DHX30: variants seen among roughly 807,000 people sequenced by gnomAD.
DHX30 encodes ATP-dependent RNA helicase DHX30.
DHX30 carries 4 observed loss-of-function variants against 116.9 expected under a neutral mutation model. That is an observed-to-expected ratio of 0.03 (90% CI 0.02 to 0.08). The LOEUF (loss-of-function observed/expected upper bound fraction) is 0.08, where lower values mean the gene tolerates loss of function less well. DHX30 is among the 10% of genes least tolerant of loss of function. DHX30 has a pLI of 1.00. For missense variants in DHX30, 871 were observed against 1,595.1 expected, an observed-to-expected ratio of 0.55 and a Z score of 7.73; for synonymous variants, 697 against 651.7, an observed-to-expected ratio of 1.07 and a Z score of -1.06.
chr3:47,820,639 A>G (rs2036254275), intron 4 of DHX30, among the ~76,000 whole-genome samples: 1 of 152,074 alleles, frequency 6.6e-6, no homozygotes, highest in Admixed American at 6.6e-5. Context: ...CCTCCAAAGT[A>G]TAGGTTCCTA....
In DHX30 at chr3:47,806,892, C is replaced by G. The variant is rs186928747; in HGVS notation, c.-28+1472C>G. Reference sequence around the variant, plus strand: ...ACAGGCGTGAGCCACCAAGCCTGGCCCACTACAAAGATTTTTAAACATTAC... The same window carrying G: ...ACAGGCGTGAGCCACCAAGCCTGGCGCACTACAAAGATTTTTAAACATTAC... On this transcript the variant is annotated intron_variant, in intron 2 of 21. Coordinates refer to ENST00000445061, the MANE Select transcript of DHX30 (RefSeq NM_138615.3). 5.1e-3 allele frequency among the ~76,000 whole-genome samples: 778 copies of G among 152,020 alleles called. 5 individuals are homozygous for G. Among genetic ancestry groups the G allele is most frequent in the South Asian group, 0.011 (55 of 4,810 alleles).
Position 47,847,036 on chromosome 3 carries a change from G to A in DHX30, c.1929+35G>A, listed in dbSNP as rs1194955623. The A allele has an allele frequency of 1.3e-6, 2 of 1,586,006 alleles. No homozygotes were observed. The highest frequency in any genetic ancestry group is 1.7e-6 in the Non-Finnish European group (2 of 1,164,656). On this transcript the variant is annotated intron_variant, in intron 11 of 21. Coordinates refer to ENST00000445061, the MANE Select transcript of DHX30 (RefSeq NM_138615.3). The surrounding 1 kb of genome is among the most constrained non-coding windows in gnomAD (Gnocchi z 5.5). ...ACCCCCATCCCACCCAAGGCTCCTG[G>A]CCTTTCCTCCGTGGATGCCCCTCCT...
chr3:47,828,589 G>A (rs1246324395), intron 5 of DHX30, among the ~76,000 whole-genome samples: 1 of 151,956 alleles, frequency 6.6e-6, no homozygotes, highest in East Asian at 1.9e-4. Context: ...GGCTAACATA[G>A]TGAAATCCCG....
At position 47,829,080 on chromosome 3, in the gene DHX30, C is replaced by T; in HGVS notation, c.312C>T (p.Ser104=). The part of the protein sequence containing the change: ...PKSVEVEGYG[S]KKIDAERQAA... ...GCGTGGAGGTAGAAGGCTATGGCAGCAAGAAGATCGATGCTGAGCGGCAGG... is the reference window on the plus strand; with the variant it reads ...GCGTGGAGGTAGAAGGCTATGGCAGTAAGAAGATCGATGCTGAGCGGCAGG... Residue 104 remains serine, a synonymous_variant, in exon 6 of 22, where the codon AGC becomes AGT. Coordinates refer to ENST00000445061, the MANE Select transcript of DHX30 (RefSeq NM_138615.3). 2 of 1,610,460 alleles carry T rather than the reference C, an allele frequency of 1.2e-6. No homozygotes were observed. The highest frequency in any genetic ancestry group is 1.7e-6 in the Non-Finnish European group (2 of 1,178,408).
At chr3:47,841,499 C>G in intron 7 of DHX30, 118 bp from the exon 8 acceptor site, 1 of 1,401,352 alleles carries the variant, frequency 7.1e-7, no homozygotes, top group Non-Finnish European at 9.7e-7. Context: ...CCATTTCATG[C>G]CTTCTGCCCT....
intron 6 of DHX30, among the ~76,000 whole-genome samples, chr3:47,837,713 A>T (rs2037186948): frequency 6.6e-6 from 1 of 152,222 alleles, no homozygotes; most frequent in African/African-American, 2.4e-5. Context: ...GTGAGCCGAG[A>T]TGATGCCATT....
At chr3:47,834,423 G>C (rs1328270508) in intron 6 of DHX30, among the ~76,000 whole-genome samples, 1 of 151,980 alleles carries the variant, frequency 6.6e-6, no homozygotes, top group African/African-American at 2.4e-5. Context: ...TTTTCTTTGT[G>C]TCTGGTTTAC....
rs1307373394 is a variant in DHX30 at position 47,849,748 on chromosome 3, G to A, written c.3310G>A (p.Asp1104Asn). ...VHPLAVLLLT[D>N]GDVHIRDDGR... Reference sequence around the variant, plus strand: ...CCCGCTAGCTGTGCTGCTGCTGACCGACGGGGACGTGCACATCCGTGGTGG... The same window carrying A: ...CCCGCTAGCTGTGCTGCTGCTGACCAACGGGGACGTGCACATCCGTGGTGG... Residue 1104 changes from aspartate to asparagine, a missense_variant, in exon 21 of 22, where the codon GAC (aspartate) becomes AAC (asparagine). This residue lies in a region of DHX30 where 238 missense variants were observed against 481.0 expected (regional missense o/e 0.49). Coordinates refer to ENST00000445061, the MANE Select transcript of DHX30 (RefSeq NM_138615.3). The A allele has an allele frequency of 2.5e-6, 4 of 1,613,544 alleles. No individual in the cohort carries two copies. Among genetic ancestry groups the A allele is most frequent in the African/African-American group, 1.3e-5 (1 of 74,936 alleles).
chr3:47,815,465 G>T (rs2036008725), intron 3 of DHX30, among the ~76,000 whole-genome samples: 3 of 152,106 alleles, frequency 2.0e-5, no homozygotes, highest in Admixed American at 2.0e-4. Context: ...GCCTCAATAG[G>T]ATGGGCCATT....
At chr3:47,819,130 C>T (rs2036183192) in intron 4 of DHX30, 1 of 963,424 alleles carries the variant, frequency 1.0e-6, no homozygotes, top group Non-Finnish European at 1.5e-6. Flanking sequence ...AGCCCCCTGA[C>T]CATTTGACTT....
intron 2 of DHX30, among the ~76,000 whole-genome samples, chr3:47,808,302 C>G (rs1317467200): frequency 6.6e-6 from 1 of 151,914 alleles, no homozygotes; most frequent in African/African-American, 2.4e-5. Context: ...CTGTAAACCT[C>G]AAAATCCTGG....
intron 5 of DHX30, among the ~76,000 whole-genome samples, chr3:47,828,575 T>G (rs2036656020): frequency 6.6e-6 from 1 of 150,514 alleles, no homozygotes. Context: ...ATCGAGACCA[T>G]CCTGGCTAAC....
intron 4 of DHX30, among the ~76,000 whole-genome samples, chr3:47,822,502 C>T (rs958511081): frequency 4.6e-5 from 7 of 152,086 alleles, no homozygotes; most frequent in African/African-American, 1.7e-4. Flanking sequence ...AAGGGGTTTT[C>T]CCAGCCGGGT....
At chr3:47,823,041 C>T (rs1188436620) in intron 4 of DHX30, among the ~76,000 whole-genome samples, 10 of 146,008 alleles carry the variant, frequency 6.8e-5, no homozygotes, top group African/African-American at 1.8e-4. Context: ...TGCAGTGAGC[C>T]GAGATTGCAC....
rs2037795516 is a variant in DHX30, at chr3:47,848,970, G to A, written c.2820G>A (p.Val940=). The A allele has an allele frequency of 1.2e-6, 2 of 1,613,384 alleles. No individual in the cohort carries two copies. The highest frequency in any genetic ancestry group is 2.2e-5 in the East Asian group (1 of 44,872). Residue 940 remains valine, a synonymous_variant, in exon 18 of 22, where the codon GTG becomes GTA. Coordinates refer to ENST00000445061, the MANE Select transcript of DHX30 (RefSeq NM_138615.3). The surrounding 1 kb of genome is among the most constrained non-coding windows in gnomAD (Gnocchi z 9.4). ...HDSGSDHLAF[V]RAVAGWEEVL... is the part of the protein sequence containing the mutation. ...GCGGCAGTGACCACCTGGCCTTTGT[G>A]CGGGCTGTCGCCGGCTGGGAGGAGG...
chr3:47,847,150 G>C lies in DHX30; in HGVS notation c.1930-123G>C. 1 of 1,475,964 alleles carries C rather than the reference G, an allele frequency of 6.8e-7. No individual in the cohort carries two copies. The highest frequency in any genetic ancestry group is 9.4e-7 in the Non-Finnish European group (1 of 1,065,424). 91.4% of individuals were successfully genotyped at this position (1,475,964 alleles called of 1,614,324 possible). A position where few individuals can be genotyped will look rare whatever the true frequency, so the allele number is the denominator to read the frequency against. ...GAAACTGGGGACTAACCCTGCCTGC[G>C]TGGCACACGTGAGGATTGGAGTTGA... On this transcript the variant is annotated intron_variant, in intron 11 of 21. Coordinates refer to ENST00000445061, the MANE Select transcript of DHX30 (RefSeq NM_138615.3). This position sits in a 1 kb window ranked among gnomAD's most constrained non-coding sequence, Gnocchi z 5.5.
chr3:47,826,716 T>G (rs1485534245), intron 4 of DHX30, among the ~76,000 whole-genome samples: 1 of 152,180 alleles, frequency 6.6e-6, no homozygotes, highest in Non-Finnish European at 1.5e-5. Flanking sequence ...CCTCCCAAAG[T>G]GCTGGGATTA....
intron 6 of DHX30, among the ~76,000 whole-genome samples, chr3:47,835,480 C>T (rs1298474295): frequency 6.7e-6 from 1 of 150,118 alleles, no homozygotes; most frequent in Admixed American, 6.7e-5. Context: ...TTTTTTTGTA[C>T]TTTTAGTACA....
chr3:47,803,311 G>C, intron 1 of DHX30, 99 bp downstream of exon 1: 1 of 386,062 alleles, frequency 2.6e-6, no homozygotes. Context: ...CCGACCGCCA[G>C]CCTGGCGGAG....
Sources: allele counts gnomAD v4.1 joint callset (sites outside exome capture counted in the v4.1 genomes callset), GRCh38; gene constraint gnomAD v4.1.1; regional missense constraint gnomAD v4.1.1; non-coding constraint Gnocchi (gnomAD v3.1); transcripts MANE v1.5; gene names NCBI Gene and HGNC (gene_info 2026-07-23, HGNC 2026-07-21).